RICTOR: variants seen among roughly 807,000 people sequenced by gnomAD.
RICTOR encodes rapamycin-insensitive companion of mTOR.
RICTOR carries 49 observed loss-of-function variants against 214.9 expected under a neutral mutation model. The observed-to-expected ratio is 0.23, with a 90% CI of 0.18 to 0.29. The LOEUF is 0.29. Ranked by LOEUF, RICTOR falls within the 10% of genes least tolerant of loss-of-function variation. RICTOR has a pLI of 1.00. For synonymous variants in RICTOR, 717 were observed against 711.3 expected (o/e 1.01, Z -0.13); for missense variants, 1,625 against 2,047.0 (o/e 0.79, Z 3.98).
At chr5:39,002,733 C>T (rs1447754518) in intron 4 of RICTOR, 67 bp from the exon 5 acceptor site, 2 of 1,469,098 alleles carry the variant, frequency 1.4e-6, no homozygotes, top group East Asian at 2.3e-5. Context: ...AATTATATTA[C>T]CAAATTATTC....
intron 11 of RICTOR, chr5:38,970,083 T>A (rs887025927): frequency 2.0e-5 from 3 of 152,208 alleles, no homozygotes; most frequent in Non-Finnish European, 4.4e-5. Context: ...TAACATGCTA[T>A]ACAGGTTTGT....
At chr5:38,963,103 T>C (rs1444082981) in intron 16 of RICTOR, 62 bp from the exon 17 acceptor site, 33 of 1,158,320 alleles carry the variant, frequency 2.8e-5, no homozygotes, top group Non-Finnish European at 3.8e-5. Context: ...AGAGATTACC[T>C]TGGTAAATTA....
intron 2 of RICTOR, among the ~76,000 whole-genome samples, chr5:39,033,272 T>G (rs541767931): frequency 1.4e-4 from 22 of 151,918 alleles, no homozygotes; most frequent in South Asian, 1.0e-3. Context: ...TTTTTTTTTT[T>G]GGGAACAGAC....
chr5:39,034,065 G>T (rs1217902286), intron 2 of RICTOR, among the ~76,000 whole-genome samples: 3 of 151,808 alleles, frequency 2.0e-5, no homozygotes, highest in African/African-American at 7.3e-5. Flanking sequence ...ATTAACGGAA[G>T]AAAAAAAAGT....
At chr5:38,963,277 G>T (rs1476481754) in intron 16 of RICTOR, among the ~76,000 whole-genome samples, 1 of 151,898 alleles carries the variant, frequency 6.6e-6, no homozygotes, top group African/African-American at 2.4e-5. Context: ...TTTCTTCTAT[G>T]GTGGTAGGTA....
chr5:39,041,815 A>ATATAT (rs1373834241), intron 2 of RICTOR, among the ~76,000 whole-genome samples: 5 of 151,956 alleles, frequency 3.3e-5, no homozygotes. Context: ...CACTTATATT[A>ATATAT]GTCAGGCATG....
intron 3 of RICTOR, 87 bp from the exon 4 acceptor site, chr5:39,003,709 G>GT: frequency 1.4e-6 from 1 of 735,880 alleles, no homozygotes; most frequent in Non-Finnish European, 2.2e-6. Context: ...TGGAAAATAA[G>GT]GTATTTTTAT....
At chr5:39,065,892 C>T (rs1413167878) in intron 2 of RICTOR, among the ~76,000 whole-genome samples, 1 of 152,328 alleles carries the variant, frequency 6.6e-6, no homozygotes, top group East Asian at 1.9e-4. Flanking sequence ...AATGCTCTCA[C>T]AGGTTTTAGT....
chr5:39,028,245 G>A (rs936908969), intron 2 of RICTOR, among the ~76,000 whole-genome samples: 1 of 146,910 alleles, frequency 6.8e-6, no homozygotes, highest in South Asian at 2.2e-4. Context: ...TGCAGTGGCG[G>A]GATCTCGGCT....
At chr5:39,068,680 A>G (rs1170800594) in intron 2 of RICTOR, among the ~76,000 whole-genome samples, 1 of 152,244 alleles carries the variant, frequency 6.6e-6, no homozygotes, top group Non-Finnish European at 1.5e-5. Flanking sequence ...TTACTGCCAC[A>G]CGATGACATA....
chr5:38,962,388 C>T (rs754796699), intron 18 of RICTOR, 27 bp from the exon 19 acceptor site: 15 of 1,218,522 alleles, frequency 1.2e-5, no homozygotes, highest in Admixed American at 2.0e-5. Flanking sequence ...TGTTATATTA[C>T]ATATGTACTT....
rs144390694 is a variant in RICTOR, at chr5:39,051,019, T to G, written c.97+23092A>C. ...ATAAAGACATATAGATGGATAATCT[T>G]TCTCTCTCCCCATACATATATATAC... On this transcript the variant is annotated intron_variant, in intron 2 of 37. Coordinates refer to ENST00000357387, the MANE Select transcript of RICTOR (RefSeq NM_152756.5). Among the ~76,000 whole-genome samples, 982 of 147,610 alleles carry G rather than the reference T, an allele frequency of 6.7e-3. 13 individuals carry two copies. The highest frequency in any genetic ancestry group is 0.023 in the African/African-American group (930 of 39,726).
Position 38,990,776 on chromosome 5 carries a change from TATATG to T in RICTOR, c.583+168_583+172del, listed in dbSNP as rs1187121273. The stretch of plus-strand genomic sequence containing the variant: ...TATGATATATATGAGATATATGATA[TATATG>T]AGATATATGAGATATATGATATATA... On this transcript the variant is annotated intron_variant, in intron 7 of 37. Coordinates refer to ENST00000357387, the MANE Select transcript of RICTOR (RefSeq NM_152756.5). Among the ~76,000 whole-genome samples, 964 of 105,410 alleles carry T rather than the reference TATATG, an allele frequency of 9.1e-3. 153 individuals carry two copies. Among genetic ancestry groups the T allele is most frequent in the African/African-American group, 0.032 (916 of 28,342 alleles). 69.2% of individuals were successfully genotyped at this position (105,410 alleles called of 152,430 possible). A position where few individuals can be genotyped will look rare whatever the true frequency, so the allele number is the denominator to read the frequency against.
At chr5:39,046,773 T>G (rs765668884) in intron 2 of RICTOR, among the ~76,000 whole-genome samples, 18 of 152,168 alleles carry the variant, frequency 1.2e-4, no homozygotes, top group Non-Finnish European at 2.6e-4. Flanking sequence ...TCCTTTAACA[T>G]TACCTAAAGC....
chr5:38,999,411 A>ACTGAAGCAT (rs1428137240), intron 5 of RICTOR, among the ~76,000 whole-genome samples: 5 of 152,100 alleles, frequency 3.3e-5, no homozygotes, highest in Non-Finnish European at 5.9e-5. Flanking sequence ...GAAGACAACA[A>ACTGAAGCAT]CTGAAGCATT....
At position 39,047,088 on chromosome 5, in the gene RICTOR, T is replaced by C. The variant is rs142304894; in HGVS notation, c.98-25952A>G. ...AAAAAAAAACTTAAAAAAATTTCCA[T>C]CTTCAAATAATATTACTATTAGAAA... On this transcript the variant is annotated intron_variant, in intron 2 of 37. Coordinates refer to ENST00000357387, the MANE Select transcript of RICTOR (RefSeq NM_152756.5). Among the ~76,000 whole-genome samples the C allele has an allele frequency of 1.5e-3, 236 of 152,316 alleles. 2 individuals carry two copies. Among genetic ancestry groups the C allele is most frequent in the African/African-American group, 5.5e-3 (227 of 41,568 alleles).
intron 7 of RICTOR, among the ~76,000 whole-genome samples, chr5:38,984,274 T>A (rs962071583): frequency 2.6e-5 from 4 of 152,202 alleles, no homozygotes; most frequent in Admixed American, 2.0e-4. Flanking sequence ...TTCAAATCTT[T>A]GAGTTTTCCA....
At position 38,945,079 on chromosome 5, in the gene RICTOR, A is replaced by C; in HGVS notation, c.4634-11T>G. On this transcript the variant is annotated splice_polypyrimidine_tract_variant and intron_variant, in intron 34 of 37. Coordinates refer to ENST00000357387, the MANE Select transcript of RICTOR (RefSeq NM_152756.5). Reference sequence around the variant, plus strand: ...GAATATCTTGAAAGTCTGAAGAAAAAAATAATTATTTCAATTAAAGCACCA... The same window carrying C: ...GAATATCTTGAAAGTCTGAAGAAAACAATAATTATTTCAATTAAAGCACCA... 6.4e-7 allele frequency: 1 copy of C among 1,571,858 alleles called. No individual in the cohort carries two copies. Among genetic ancestry groups the C allele is most frequent in the Non-Finnish European group, 8.7e-7 (1 of 1,150,366 alleles).
intron 31 of RICTOR, among the ~76,000 whole-genome samples, chr5:38,948,962 A>T (rs1158566124): frequency 6.6e-6 from 1 of 152,068 alleles, no homozygotes; most frequent in Non-Finnish European, 1.5e-5. Flanking sequence ...AATATGTGCT[A>T]AAGTATTCTA....
Sources: allele counts gnomAD v4.1 joint callset (sites outside exome capture counted in the v4.1 genomes callset), GRCh38; gene constraint gnomAD v4.1.1; transcripts MANE v1.5; gene names NCBI Gene and HGNC (gene_info 2026-07-23, HGNC 2026-07-21).